The following MICAL2 variants were observed in gnomAD, a reference collection of about 807,000 sequenced individuals.
MICAL2 encodes microtubule associated monooxygenase, calponin and LIM domain containing 2, also known as [F-actin]-monooxygenase MICAL2.
Under a neutral mutation model 127.3 loss-of-function variants are expected in MICAL2, and 77 were observed. The ratio of observed to expected loss-of-function variants is 0.60; its 90% CI spans 0.50 to 0.73. The LOEUF is 0.73. Among genes scored for constraint, MICAL2 ranks in the 30% least tolerant of loss-of-function variants. The pLI is 0.00. For missense variants in MICAL2, 1,351 were observed against 1,434.4 expected, an observed-to-expected ratio of 0.94 and a Z score of 0.94; for synonymous variants, 570 against 551.1, an observed-to-expected ratio of 1.03 and a Z score of -0.48.
chr11:12,320,961 G>A (rs572538143), intron 30 of MICAL2, among the ~76,000 whole-genome samples: 1 of 151,622 alleles, frequency 6.6e-6, no homozygotes, highest in Non-Finnish European at 1.5e-5. Flanking sequence ...TGATTTCTGT[G>A]GTTTTCTTAC....
intron 26 of MICAL2, chr11:12,261,012 C>A (rs1863038967): frequency 2.0e-6 from 2 of 985,532 alleles, no homozygotes; most frequent in South Asian, 4.7e-5. Flanking sequence ...GCATTTTAGC[C>A]CCTGTGGCTC....
rs115669408 is a variant in MICAL2 at position 12,189,772 on chromosome 11, A to G, written c.265-14478A>G. Among the ~76,000 whole-genome samples, 1,042 of 152,256 alleles carry G rather than the reference A, an allele frequency of 6.8e-3. 10 individuals carry two copies. Among genetic ancestry groups the G allele is most frequent in the African/African-American group, 0.023 (970 of 41,550 alleles). ...CACGTTCTGCAAGCCCAGGCCTGCC[A>G]CCAGAGGGAAAGTGCCCTAGATGCC... On this transcript the variant is annotated intron_variant, in intron 3 of 27. Coordinates refer to ENST00000683283, the MANE Select transcript of MICAL2 (RefSeq NM_001282663.2).
chr11:12,129,636 CTTTTTTTTT>C (rs559528778), intron 1 of MICAL2, among the ~76,000 whole-genome samples: 21 of 97,466 alleles, frequency 2.2e-4, no homozygotes, highest in African/African-American at 9.2e-5. Flanking sequence ...TCTTCTTCTT[CTTTTTTTTT>C]TTTTTTTTTT....
chr11:12,259,934 G>T, intron 26 of MICAL2, 37 bp downstream of exon 26: 1 of 1,606,448 alleles, frequency 6.2e-7, no homozygotes, highest in Middle Eastern at 1.7e-4. Flanking sequence ...GTGCTGGGCT[G>T]GCCCCTCAGG....
intron 2 of MICAL2, among the ~76,000 whole-genome samples, chr11:12,283,343 TAAAAAAAA>T (rs56832587): frequency 1.5e-5 from 2 of 132,586 alleles, no homozygotes; most frequent in East Asian, 2.2e-4. Flanking sequence ...GTGTGGAGTT[TAAAAAAAA>T]AAAAAAAAAA....
At chr11:12,331,654 T>A (rs1303616098) in intron 32 of MICAL2, among the ~76,000 whole-genome samples, 1 of 152,164 alleles carries the variant, frequency 6.6e-6, no homozygotes, top group Non-Finnish European at 1.5e-5. Context: ...AATCAGACAC[T>A]CCTGAGTTTG....
chr11:12,345,674 G>T (rs1246788887), intron 32 of MICAL2, among the ~76,000 whole-genome samples: 1 of 152,190 alleles, frequency 6.6e-6, no homozygotes, highest in Non-Finnish European at 1.5e-5. Flanking sequence ...AGTAAAAGAT[G>T]AAGGTATCAG....
intron 2 of MICAL2, among the ~76,000 whole-genome samples, chr11:12,140,376 A>G (rs2133620613): frequency 6.6e-6 from 1 of 152,324 alleles, no homozygotes; most frequent in South Asian, 2.1e-4. Flanking sequence ...GACATGGCCC[A>G]GTCCTACTGT....
At position 12,242,442 on chromosome 11, in the gene MICAL2, T is replaced by C; in HGVS notation, c.2556+10T>C. On this transcript the variant is annotated intron_variant, in intron 19 of 27. Transcript: ENST00000683283. ...GGAAAAGATTCTCCAGGTGAGAGAC[T>C]CACTTTTTGCCCGTCTCTGTCCGTG... The C allele has an allele frequency of 1.3e-6, 2 of 1,592,220 alleles. No homozygotes were observed. Among genetic ancestry groups the C allele is most frequent in the Non-Finnish European group, 1.7e-6 (2 of 1,167,176 alleles).
chr11:12,296,771 AT>A (rs909118353), downstream of MICAL2, among the ~76,000 whole-genome samples: 4 of 151,564 alleles, frequency 2.6e-5, no homozygotes, highest in African/African-American at 9.7e-5. Flanking sequence ...TATATACTAT[AT>A]TTTTTCTTTT....
chr11:12,110,993 C>T lies in MICAL2; in HGVS notation c.-149+267C>T, dbSNP rs1360246252. ...CGGCACGCCGAACTACCTCTTACTC[C>T]GCTCCGCAACACCCAAACCCTGCAG... On this transcript the variant is annotated intron_variant, in intron 1 of 27. Coordinates refer to ENST00000683283, the MANE Select transcript of MICAL2 (RefSeq NM_001282663.2). This position sits in a 1 kb window ranked among gnomAD's most constrained non-coding sequence, Gnocchi z 4.5. Among the ~76,000 whole-genome samples, 1 of 152,200 alleles carries T rather than the reference C, an allele frequency of 6.6e-6. No individual in the cohort carries two copies. The highest frequency in any genetic ancestry group is 6.5e-5 in the Admixed American group (1 of 15,288).
intron 27 of MICAL2, 28 bp from the exon 28 acceptor site, chr11:12,263,532 G>A (rs1047093381): frequency 9.2e-5 from 14 of 152,692 alleles, no homozygotes; most frequent in East Asian, 1.9e-4. Flanking sequence ...GTACAAAGTC[G>A]TTGCTCTTGT....
chr11:12,167,747 A>G (rs1855691321), intron 3 of MICAL2, among the ~76,000 whole-genome samples: 1 of 152,132 alleles, frequency 6.6e-6, no homozygotes, highest in South Asian at 2.1e-4. Context: ...GCAACATTGA[A>G]CATGTTTCTG....
chr11:12,152,297 C>CA (rs540812572), intron 2 of MICAL2, among the ~76,000 whole-genome samples: 19,516 of 38,094 alleles, frequency 0.51, 6,260 homozygotes, highest in Middle Eastern at 0.61. Context: ...GACTCTGTCT[C>CA]AAAAAAAAAA....
chr11:12,180,918 CTTCTTTTT>C (rs1305358140), intron 3 of MICAL2, among the ~76,000 whole-genome samples: 30 of 90,782 alleles, frequency 3.3e-4, no homozygotes, highest in Non-Finnish European at 4.0e-4. Flanking sequence ...CTTTATTTTC[CTTCTTTTT>C]TTTTTTTTTT....
chr11:12,222,577 C>G (rs775354397), intron 10 of MICAL2, 40 bp from the exon 11 acceptor site: 11 of 1,613,394 alleles, frequency 6.8e-6, no homozygotes, highest in Non-Finnish European at 9.3e-6. Context: ...CCTGAGGTGG[C>G]AAAAGTGATC....
rs1406134964 is a variant in MICAL2 at position 12,300,565 on chromosome 11, G to A, written c.5212+5708G>A. On this transcript the variant is annotated intron_variant, in intron 29 of 34. Transcript: ENST00000646065. ...GAAGAAGTAGTAAATTTGCTGTGGT[G>A]TGGGAGGGCCCATGAACAAGAGGCC... is the stretch of plus-strand genomic sequence containing the variant. 5.3e-5 allele frequency among the ~76,000 whole-genome samples: 8 copies of A among 152,124 alleles called. No homozygotes were observed. In the South Asian group the frequency reaches 8.3e-4, roughly 16 times the overall value.
intron 24 of MICAL2, among the ~76,000 whole-genome samples, chr11:12,269,082 C>G (rs1454867630): frequency 6.6e-6 from 1 of 152,132 alleles, no homozygotes; most frequent in African/African-American, 2.4e-5. Context: ...CTTTTCCCAT[C>G]CCCAACCCAC....
chr11:12,186,575 T>C (rs1042605373), intron 3 of MICAL2, among the ~76,000 whole-genome samples: 11 of 152,132 alleles, frequency 7.2e-5, no homozygotes, highest in African/African-American at 2.2e-4. Flanking sequence ...CATGGTCTCT[T>C]CATTTTGCCT....
Sources: allele counts gnomAD v4.1 joint callset (sites outside exome capture counted in the v4.1 genomes callset), GRCh38; gene constraint gnomAD v4.1.1; non-coding constraint Gnocchi (gnomAD v3.1); transcripts MANE v1.5; gene names NCBI Gene and HGNC (gene_info 2026-07-23, HGNC 2026-07-21).